The following P2RX7 variants were observed in gnomAD, a reference collection of about 807,000 sequenced individuals.
P2RX7 encodes the protein purinergic receptor P2X 7, also known as P2X purinoceptor 7.
In P2RX7, 62 loss-of-function variants were observed where a neutral mutation model predicts 71.6. The ratio of observed to expected loss-of-function variants is 0.87; its 90% CI spans 0.71 to 1.07. The LOEUF is 1.07. P2RX7 is among the 50% of genes least tolerant of loss of function. The pLI, the probability that P2RX7 is intolerant of heterozygous loss-of-function variation, is 0.00. For synonymous variants in P2RX7, 299 were observed against 283.3 expected, an observed-to-expected ratio of 1.06 and a Z score of -0.56; for missense variants, 686 against 748.5, an observed-to-expected ratio of 0.92 and a Z score of 0.97.
At chr12:121,142,838 C>G (rs1249930386) in intron 1 of P2RX7, among the ~76,000 whole-genome samples, 1 of 152,128 alleles carries the variant, frequency 6.6e-6, no homozygotes, top group Non-Finnish European at 1.5e-5. Context: ...CCTGTAATCT[C>G]AGCACTTTGG....
intron 8 of P2RX7, 33 bp from the exon 9 acceptor site, chr12:121,175,355 A>T: frequency 1.4e-6 from 2 of 1,387,138 alleles, no homozygotes; most frequent in Non-Finnish European, 2.0e-6. Flanking sequence ...TTTCAAAGGG[A>T]TCTTACAAAT....
intron 8 of P2RX7, among the ~76,000 whole-genome samples, 178 bp downstream of exon 8, chr12:121,167,802 CTTTA>C (rs1418158384): frequency 2.0e-5 from 3 of 150,908 alleles, no homozygotes; most frequent in Admixed American, 2.0e-4. Context: ...GATGCACACT[CTTTA>C]TTTTTTACTT....
At chr12:121,148,942 G>C in intron 1 of P2RX7, 1 of 408,926 alleles carries the variant, frequency 2.4e-6, no homozygotes, top group South Asian at 2.0e-5. Context: ...TGTGAGCTAA[G>C]AGATACAAGG....
rs34523898 is a variant in P2RX7, at chr12:121,158,733, TA to T, written c.364-2159del. 1.8e-3 allele frequency among the ~76,000 whole-genome samples: 268 copies of T among 151,300 alleles called. 1 individual carries two copies. Among genetic ancestry groups the T allele is most frequent in the African/African-American group, 5.2e-3 (216 of 41,340 alleles). ...AAAACAAAACTAATGTGCTGTTTTT[TA>T]AAAAAAAAATTAGAATTCCTTTTGG... On this transcript the variant is annotated intron_variant, in intron 3 of 12. Coordinates refer to ENST00000328963, the MANE Select transcript of P2RX7 (RefSeq NM_002562.6).
At chr12:121,141,303 G>A (rs1388887664) in intron 1 of P2RX7, among the ~76,000 whole-genome samples, 6 of 152,214 alleles carry the variant, frequency 3.9e-5, no homozygotes, top group Non-Finnish European at 8.8e-5. Context: ...AAGGGGTAAT[G>A]ATGGAGGTTT....
In P2RX7 at chr12:121,179,137, T is replaced by G. The variant is rs141133844; in HGVS notation, c.1189-1217T>G. Reference sequence around the variant, plus strand: ...TTGTTTTGATTTGATTAATTCAGACTTTATCAAGCAGGTCCTCTGCGTTCA... The same window carrying G: ...TTGTTTTGATTTGATTAATTCAGACGTTATCAAGCAGGTCCTCTGCGTTCA... On this transcript the variant is annotated intron_variant, in intron 11 of 12. Coordinates refer to ENST00000328963, the MANE Select transcript of P2RX7 (RefSeq NM_002562.6). 2.3e-3 allele frequency among the ~76,000 whole-genome samples: 345 copies of G among 152,260 alleles called. 3 individuals are homozygous for G. The highest frequency in any genetic ancestry group is 0.017 in the Admixed American group (257 of 15,260).
chr12:121,144,013 C>A (rs1875599198), intron 1 of P2RX7, among the ~76,000 whole-genome samples: 1 of 152,098 alleles, frequency 6.6e-6, no homozygotes, highest in Admixed American at 6.6e-5. Context: ...CCAGTAAGAG[C>A]CCTCACACCC....
Position 121,154,815 on chromosome 12 carries a change from G to T in P2RX7, c.156G>T (p.Gln52His). 1 of 1,614,132 alleles carries T rather than the reference G, an allele frequency of 6.2e-7. No homozygotes were observed. Residue 52 changes from glutamine (Q) to histidine (H), a missense_variant, in exon 2 of 13, where the codon CAG becomes CAT. Gln to His is a conservative substitution (Grantham distance 24). Coordinates refer to ENST00000328963, the MANE Select transcript of P2RX7 (RefSeq NM_002562.6). This position sits in a 1 kb window ranked among gnomAD's most constrained non-coding sequence, Gnocchi z 4.2. The stretch of plus-strand genomic sequence containing the variant: ...CTCTGGTGAGTGACAAGCTGTACCA[G>T]CGGAAAGAGCCTGTCATCAGTTCTG... ...CFALVSDKLYQRKEPVISSVH... is the reference protein window; with the variant it reads ...CFALVSDKLYHRKEPVISSVH...
intron 9 of P2RX7, among the ~76,000 whole-genome samples, 160 bp downstream of exon 9, chr12:121,175,638 CT>C (rs1319870427): frequency 1.3e-5 from 2 of 152,124 alleles, no homozygotes; most frequent in Non-Finnish European, 2.9e-5. Context: ...TCTCGGGCTG[CT>C]GTCCCTGAAT....
intron 9 of P2RX7, among the ~76,000 whole-genome samples, chr12:121,176,678 G>A (rs1883192691): frequency 6.6e-6 from 1 of 151,408 alleles, no homozygotes; most frequent in African/African-American, 2.4e-5. Context: ...CTTGAACCCA[G>A]GAGGCGGAGC....
chr12:121,141,654 A>T (rs1166509062), intron 1 of P2RX7, among the ~76,000 whole-genome samples: 1 of 152,162 alleles, frequency 6.6e-6, no homozygotes, highest in Non-Finnish European at 1.5e-5. Context: ...TCATATTTTC[A>T]TTTTAGAGAG....
At chr12:121,166,475 A>G (rs1335563299) in intron 7 of P2RX7, among the ~76,000 whole-genome samples, 1 of 152,162 alleles carries the variant, frequency 6.6e-6, no homozygotes, top group African/African-American at 2.4e-5. Context: ...GTTGCCAGAG[A>G]TCAGAAGTTG....
intron 8 of P2RX7, among the ~76,000 whole-genome samples, chr12:121,171,862 C>CTTTCTTTTT (rs1555228404): frequency 7.6e-6 from 1 of 131,136 alleles, no homozygotes; most frequent in Non-Finnish European, 1.6e-5. Context: ...TTCTTTCTTT[C>CTTTCTTTTT]TTTTTTTTTT....
chr12:121,162,917 A>G (rs566021914), intron 5 of P2RX7, among the ~76,000 whole-genome samples: 6 of 152,136 alleles, frequency 3.9e-5, no homozygotes, highest in Admixed American at 2.6e-4. Context: ...GAAGGGAAGG[A>G]CGAAGCGAGG....
chr12:121,143,863 G>C (rs1875563508), intron 1 of P2RX7, among the ~76,000 whole-genome samples: 1 of 151,964 alleles, frequency 6.6e-6, no homozygotes, highest in Non-Finnish European at 1.5e-5. Context: ...AAAAAAGAAA[G>C]TCTCTTTTTA....
Position 121,149,988 on chromosome 12 carries a change from A to G in P2RX7, c.126-4797A>G, listed in dbSNP as rs920805821. Among the ~76,000 whole-genome samples the G allele has an allele frequency of 6.6e-6, 1 of 152,090 alleles. No homozygotes were observed. Among genetic ancestry groups the G allele is most frequent in the Non-Finnish European group, 1.5e-5 (1 of 68,018 alleles). On this transcript the variant is annotated intron_variant, in intron 1 of 12. Transcript: ENST00000328963. The surrounding 1 kb of genome is among the most constrained non-coding windows in gnomAD (Gnocchi z 4.7). Reference sequence around the variant, plus strand: ...ATAACATTATAGCCTCTTAGAGCAAAAAGGTCATGGGGATGGGGAAGGCTG... The same window carrying G: ...ATAACATTATAGCCTCTTAGAGCAAGAAGGTCATGGGGATGGGGAAGGCTG...
rs1466462664 is a variant in P2RX7, at chr12:121,184,976, T to C, written c.*174T>C. On this transcript the variant is annotated 3_prime_UTR_variant, in exon 13 of 13. Transcript: ENST00000328963. ...GGCATGCACCTGCAATCCCAGCTACTCGGGAGGCTGAGGCACAAGAATCAC... is the reference window on the plus strand; with the variant it reads ...GGCATGCACCTGCAATCCCAGCTACCCGGGAGGCTGAGGCACAAGAATCAC... 3.5e-6 allele frequency: 2 copies of C among 575,152 alleles called. No homozygotes were observed. Among genetic ancestry groups the C allele is most frequent in the Non-Finnish European group, 6.1e-6 (2 of 326,836 alleles). 35.6% of individuals were successfully genotyped at this position (575,152 alleles called of 1,614,324 possible). A position where few individuals can be genotyped will look rare whatever the true frequency, so the allele number is the denominator to read the frequency against.
intron 8 of P2RX7, among the ~76,000 whole-genome samples, chr12:121,169,942 G>A (rs932564629): frequency 1.3e-5 from 2 of 152,050 alleles, no homozygotes; most frequent in Non-Finnish European, 2.9e-5. Context: ...GAGTATCAGT[G>A]GTCCTATTTA....
rs757687405 is a variant in P2RX7 at position 121,177,409 on chromosome 12, A to G, written c.1151A>G (p.Tyr384Cys). ...CQPCVVNEYY[Y>C]RKKCESIVEP... ...CCCTGTGTGGTCAACGAATACTACT[A>G]CAGGAAGAAGTGCGAGTCCATTGTG... Residue 384 changes from tyrosine (Y) to cysteine (C), a missense_variant, in exon 11 of 13, where the codon TAC (tyrosine) becomes TGC (cysteine). Coordinates refer to ENST00000328963, the MANE Select transcript of P2RX7 (RefSeq NM_002562.6). The G allele has an allele frequency of 5.0e-6, 8 of 1,613,628 alleles. No individual in the cohort carries two copies. Among genetic ancestry groups the G allele is most frequent in the Non-Finnish European group, 6.8e-6 (8 of 1,180,036 alleles).
Sources: gnomAD v4.1 joint callset for allele counts (sites outside exome capture counted in the v4.1 genomes callset) on GRCh38, gnomAD v4.1.1 for gene constraint, Gnocchi (gnomAD v3.1) non-coding constraint, MANE v1.5 for transcripts, NCBI Gene and HGNC (gene_info 2026-07-23, HGNC 2026-07-21) for gene names.